ZNF680: variants seen among roughly 807,000 people sequenced by gnomAD.
The protein encoded by ZNF680 is zinc finger protein 680, also known as hypothetical protein FLJ90430.
ZNF680 carries 6 observed loss-of-function variants against 12.1 expected under a neutral mutation model. That is an observed-to-expected ratio of 0.49 (90% CI 0.27 to 0.98). The LOEUF (loss-of-function observed/expected upper bound fraction) is 0.98. Among genes scored for constraint, ZNF680 ranks in the 50% least tolerant of loss-of-function variants. ZNF680 has a pLI of 0.12. For synonymous variants in ZNF680, 170 were observed against 199.3 expected, an observed-to-expected ratio of 0.85 and a Z score of 1.24; for missense variants, 561 against 616.3, an observed-to-expected ratio of 0.91 and a Z score of 0.95.
chr7:64,506,363 T>C, the ZNF680 span, among the ~76,000 whole-genome samples: 1 of 152,046 alleles, frequency 6.6e-6, no homozygotes, highest in Non-Finnish European at 1.5e-5. Flanking sequence ...CTATTTTTCG[T>C]ATTTTTAGTA....
the ZNF680 span, chr7:64,501,129 G>A: frequency 2.1e-6 from 2 of 959,118 alleles, no homozygotes; most frequent in South Asian, 1.4e-5. Context: ...GATCTGCAGC[G>A]ATGTATGGGT....
the ZNF680 span, among the ~76,000 whole-genome samples, chr7:64,508,300 G>A: frequency 1.3e-5 from 2 of 151,670 alleles, no homozygotes; most frequent in Non-Finnish European, 2.9e-5. Flanking sequence ...CTAAAGAACA[G>A]TACTCAATGA....
chr7:64,507,537 A>C, the ZNF680 span, among the ~76,000 whole-genome samples: 4 of 149,260 alleles, frequency 2.7e-5, no homozygotes, highest in East Asian at 1.9e-4. Context: ...TTTGAGACGG[A>C]GTTTCGCTCT....
the ZNF680 span, among the ~76,000 whole-genome samples, chr7:64,502,939 G>C: frequency 1.3e-5 from 2 of 152,104 alleles, no homozygotes. Context: ...TCCCAGGCTG[G>C]AGTGCAGTGG....
Position 64,521,946 on chromosome 7 carries a change from C to G in ZNF680, c.808G>C (p.Glu270Gln). The G allele has an allele frequency of 6.2e-7, 1 of 1,612,864 alleles. No individual in the cohort carries two copies. Among genetic ancestry groups the G allele is most frequent in the Non-Finnish European group, 8.5e-7 (1 of 1,179,532 alleles). The change falls in exon 4 of 4, where the codon GAA becomes CAA. Residue 270 changes from glutamate to glutamine, a missense_variant. Physicochemically the swap from Glu to Gln is conservative, Grantham distance 29. Transcript: ENST00000309683. The part of the protein sequence containing the change: ...HIEEKPFKCE[E>Q]CGKAFSLFSI... ...AATAAACTAAAGGCTTTGCCACATT[C>G]TTCACATTTGAAGGGTTTCTCTTCA...
At chr7:64,554,401 G>A (rs540350937) in intron 1 of ZNF680, among the ~76,000 whole-genome samples, 19 of 151,064 alleles carry the variant, frequency 1.3e-4, no homozygotes, top group African/African-American at 3.2e-4. Flanking sequence ...CAGCTGCCCC[G>A]TCCAGGAGGT....
At chr7:64,503,378 CTTTT>C in the ZNF680 span, among the ~76,000 whole-genome samples, 62 of 89,890 alleles carry the variant, frequency 6.9e-4, no homozygotes, top group African/African-American at 2.5e-3. Context: ...AACTGGAAGG[CTTTT>C]TTTTTTTTTT....
intron 1 of ZNF680, among the ~76,000 whole-genome samples, chr7:64,558,506 T>C (rs1037939777): frequency 2.6e-5 from 4 of 152,130 alleles, no homozygotes; most frequent in Non-Finnish European, 5.9e-5. Flanking sequence ...CCTGCAGATG[T>C]CTCAGGCTGC....
At chr7:64,513,993 T>C in the ZNF680 span, among the ~76,000 whole-genome samples, 5,632 of 152,238 alleles carry the variant, frequency 0.037, 369 homozygotes, top group African/African-American at 0.13. Flanking sequence ...TTTTGCTTTT[T>C]CAAATTTTAA....
At chr7:64,553,149 G>T in intron 1 of ZNF680, among the ~76,000 whole-genome samples, 1 of 150,132 alleles carries the variant, frequency 6.7e-6, no homozygotes, top group South Asian at 2.1e-4. Context: ...AAAAGTATAT[G>T]ATTGTAGGTT....
the ZNF680 span, among the ~76,000 whole-genome samples, chr7:64,506,631 T>G: frequency 2.0e-5 from 3 of 152,256 alleles, no homozygotes; most frequent in South Asian, 6.2e-4. Context: ...TACCATTTTA[T>G]ACATTCATGC....
intron 1 of ZNF680, among the ~76,000 whole-genome samples, chr7:64,548,680 A>C (rs920161660): frequency 2.0e-5 from 3 of 152,116 alleles, no homozygotes; most frequent in Non-Finnish European, 4.4e-5. Context: ...AAGCATAATT[A>C]ACCACTCTTG....
chr7:64,530,396 C>T (rs921274382), intron 3 of ZNF680, among the ~76,000 whole-genome samples: 1 of 152,124 alleles, frequency 6.6e-6, no homozygotes, highest in Non-Finnish European at 1.5e-5. Context: ...AATTAACCAA[C>T]CATCTGATGC....
chr7:64,557,713 C>G (rs1213665636), intron 1 of ZNF680, among the ~76,000 whole-genome samples: 1 of 152,018 alleles, frequency 6.6e-6, no homozygotes, highest in Non-Finnish European at 1.5e-5. Flanking sequence ...TGTGGTGAAA[C>G]CCCTGTCTCT....
chr7:64,500,545 T>G, the ZNF680 span, among the ~76,000 whole-genome samples: 1 of 152,272 alleles, frequency 6.6e-6, no homozygotes, highest in East Asian at 1.9e-4. Flanking sequence ...AGAAAAAAAC[T>G]TTCATAATAT....
chr7:64,525,639 C>T (rs1254218878), intron 3 of ZNF680: 1 of 500,312 alleles, frequency 2.0e-6, no homozygotes, highest in African/African-American at 2.1e-5. Flanking sequence ...TATAATAGGA[C>T]TAAAATAAAC....
At chr7:64,532,231 G>T (rs1167646693) in intron 3 of ZNF680, among the ~76,000 whole-genome samples, 1 of 151,822 alleles carries the variant, frequency 6.6e-6, no homozygotes, top group South Asian at 2.1e-4. Flanking sequence ...CCTGAACCTG[G>T]GAGGCAGAGC....
chr7:64,548,761 TC>T (rs1245519915), intron 1 of ZNF680, among the ~76,000 whole-genome samples: 2 of 152,008 alleles, frequency 1.3e-5, no homozygotes, highest in Non-Finnish European at 2.9e-5. Flanking sequence ...GTGAGAGGGT[TC>T]CCAATGACCC....
rs1418224012 is a variant in ZNF680 at position 64,562,998 on chromosome 7, G to A, written c.-44C>T. On this transcript the variant is annotated 5_prime_UTR_variant, in exon 1 of 4. Transcript: ENST00000309683. ...AATACCTGCAGATAACGGAGTCACA[G>A]AGGCTGGGCCTCTAGGAGCAGAATA... 1 of 1,610,894 alleles carries A rather than the reference G, an allele frequency of 6.2e-7. No individual in the cohort carries two copies. The highest frequency in any genetic ancestry group is 8.5e-7 in the Non-Finnish European group (1 of 1,177,532).
Sources: gnomAD v4.1 joint callset for allele counts (sites outside exome capture counted in the v4.1 genomes callset) on GRCh38, gnomAD v4.1.1 for gene constraint, MANE v1.5 for transcripts, NCBI Gene and HGNC (gene_info 2026-07-23, HGNC 2026-07-21) for gene names.